The following IGSF10 variants were observed in gnomAD, a reference collection of about 807,000 sequenced individuals.
The protein encoded by IGSF10 is calvaria mechanical force protein 608.
Under a neutral mutation model 128.2 loss-of-function variants are expected in IGSF10, and 126 were observed. That is an observed-to-expected ratio of 0.98 (90% confidence interval 0.85 to 1.14). The LOEUF (loss-of-function observed/expected upper bound fraction) is 1.14. Among genes scored for constraint, IGSF10 ranks in the 50% most tolerant of loss-of-function variants. IGSF10 has a pLI of 0.00. For synonymous variants in IGSF10, 1,185 were observed against 1,146.2 expected, an observed-to-expected ratio of 1.03 and a Z score of -0.68; for missense variants, 3,295 against 3,149.8, an observed-to-expected ratio of 1.05 and a Z score of -1.10.
At chr3:151,554,723 T>C in the IGSF10 span, among the ~76,000 whole-genome samples, 2 of 152,194 alleles carry the variant, frequency 1.3e-5, no homozygotes, top group African/African-American at 2.4e-5. Context: ...ATTGACACGG[T>C]TGAGACCTTA....
rs548900742 is a variant in IGSF10, at chr3:151,448,950, G to A, written c.1031C>T (p.Ala344Val). 5.6e-5 allele frequency: 91 copies of A among 1,614,180 alleles called. No homozygotes were observed. The South Asian group carries it at 9.4e-4, about 17-fold the overall frequency. The change falls in exon 6 of 8, where the codon GCA (alanine) becomes GTA (valine). Residue 344 changes from alanine to valine, a missense_variant. By Grantham distance (64) the Ala-to-Val change is moderately conservative. Coordinates refer to ENST00000282466, the MANE Select transcript of IGSF10 (RefSeq NM_178822.5). ...IQKPSRTSPI[A>V]FTEENDYIVL... ...GATGTAGTCATTTTCTTCAGTGAAT[G>A]CAATGGGTGATGTCCTTGAGGGCTT...
At chr3:151,455,627 C>T (rs1721755803) in intron 4 of IGSF10, among the ~76,000 whole-genome samples, 1 of 152,108 alleles carries the variant, frequency 6.6e-6, no homozygotes, top group African/African-American at 2.4e-5. Flanking sequence ...AGACCTGTCC[C>T]TCTCATAGCA....
rs779779499 is a variant in IGSF10 at position 151,437,362 on chromosome 3, T to C, written c.7199A>G (p.Lys2400Arg). ...TTTTCCTGCATCCTCCCGAGTTGTT[T>C]TAGAAATGATAAAAGAACCATTGCT... The part of the protein sequence containing the change: ...IASNGSFIIS[K>R]TTREDAGKYR... The change falls in exon 8 of 8, where the codon AAA (lysine) becomes AGA (arginine). Residue 2400 changes from lysine to arginine, a missense_variant. Lys to Arg is a conservative substitution (Grantham distance 26, BLOSUM62 2). Transcript: ENST00000282466. 5.6e-6 allele frequency: 9 copies of C among 1,614,222 alleles called. No homozygotes were observed. Among genetic ancestry groups the C allele is most frequent in the Non-Finnish European group, 7.6e-6 (9 of 1,180,044 alleles).
At chr3:151,545,135 T>C in the IGSF10 span, among the ~76,000 whole-genome samples, 19 of 152,226 alleles carry the variant, frequency 1.2e-4, no homozygotes, top group Admixed American at 2.6e-4. Flanking sequence ...AGTTACATAA[T>C]TTTGAAAGTT....
At chr3:151,491,536 C>A in the IGSF10 span, among the ~76,000 whole-genome samples, 1 of 152,114 alleles carries the variant, frequency 6.6e-6, no homozygotes, top group South Asian at 2.1e-4. Flanking sequence ...CAAGATTGTG[C>A]CACTGCACTC....
At chr3:151,471,564 G>A in the IGSF10 span, among the ~76,000 whole-genome samples, 1 of 152,122 alleles carries the variant, frequency 6.6e-6, no homozygotes, top group African/African-American at 2.4e-5. Context: ...ATATAGCTAA[G>A]GACAAGTCAG....
chr3:151,505,424 G>A, the IGSF10 span, among the ~76,000 whole-genome samples: 24 of 152,206 alleles, frequency 1.6e-4, no homozygotes, highest in African/African-American at 5.3e-4. Flanking sequence ...CATCACAAGT[G>A]GGGATTATGG....
the IGSF10 span, among the ~76,000 whole-genome samples, chr3:151,614,214 C>G: frequency 6.6e-6 from 1 of 152,180 alleles, no homozygotes; most frequent in South Asian, 2.1e-4. Context: ...CACTTTTACA[C>G]TGTTGGTGGG....
At chr3:151,465,325 A>C (rs1003003405), upstream of IGSF10, among the ~76,000 whole-genome samples, 5 of 152,242 alleles carry the variant, frequency 3.3e-5, no homozygotes, top group Admixed American at 2.6e-4. Context: ...CAGAAGGAGC[A>C]CAAGAATGAC....
chr3:151,510,624 G>C, the IGSF10 span, among the ~76,000 whole-genome samples: 1 of 152,212 alleles, frequency 6.6e-6, no homozygotes, highest in Admixed American at 6.5e-5. Flanking sequence ...GAATGACTTT[G>C]ACGAGTTGAG....
chr3:151,580,064 C>G, the IGSF10 span, among the ~76,000 whole-genome samples: 1 of 152,188 alleles, frequency 6.6e-6, no homozygotes, highest in East Asian at 1.9e-4. Context: ...AAGCCACAAC[C>G]AAGCACCACG....
upstream of IGSF10, among the ~76,000 whole-genome samples, chr3:151,462,925 A>G (rs1441110679): frequency 6.6e-6 from 1 of 152,196 alleles, no homozygotes; most frequent in African/African-American, 2.4e-5. Context: ...TTTGGCAGCC[A>G]CAGTTTATCT....
chr3:151,438,022 T>G lies in IGSF10; in HGVS notation c.6539A>C (p.Asn2180Thr). Residue 2180 changes from asparagine to threonine, a missense_variant, in exon 8 of 8, where the codon AAT becomes ACT. Coordinates refer to ENST00000282466, the MANE Select transcript of IGSF10 (RefSeq NM_178822.5). ...KPKIFWLLPSNDMISFSIDRY... is the reference protein window; with the variant it reads ...KPKIFWLLPSTDMISFSIDRY... ...ATCAATGGAGAAGGAAATCATGTCATTGGAAGGCAGCAACCAAAATATTTT... is the reference window on the plus strand; with the variant it reads ...ATCAATGGAGAAGGAAATCATGTCAGTGGAAGGCAGCAACCAAAATATTTT... 6.2e-7 allele frequency: 1 copy of G among 1,614,180 alleles called. No homozygotes were observed. Among genetic ancestry groups the G allele is most frequent in the East Asian group, 2.2e-5 (1 of 44,882 alleles).
the IGSF10 span, among the ~76,000 whole-genome samples, chr3:151,490,984 A>G: frequency 6.6e-6 from 1 of 152,062 alleles, no homozygotes; most frequent in African/African-American, 2.4e-5. Flanking sequence ...ACAAACCCAA[A>G]ATTAGCGGAA....
rs1320773532 is a variant in IGSF10 at position 151,447,676 on chromosome 3, G to C, written c.2305C>G (p.Pro769Ala). ...LLEKAKKNAM[P>A]DKRENTTVSP... ...ACTGTGGTATTTTCTCGCTTGTCTG[G>C]CATAGCATTCTTTTTAGCTTTCTCC... The change falls in exon 6 of 8, where the codon CCA becomes GCA. Residue 769 changes from proline to alanine, a missense_variant. Pro to Ala is a conservative substitution (Grantham distance 27, BLOSUM62 -1). Transcript: ENST00000282466. 6.2e-7 allele frequency: 1 copy of C among 1,614,026 alleles called. No homozygotes were observed. Among genetic ancestry groups the C allele is most frequent in the African/African-American group, 1.3e-5 (1 of 74,886 alleles).
the IGSF10 span, among the ~76,000 whole-genome samples, chr3:151,532,937 C>T: frequency 6.6e-6 from 1 of 152,138 alleles, no homozygotes; most frequent in Non-Finnish European, 1.5e-5. Context: ...TCATCTCAGT[C>T]CAAAATCTCC....
intron 7 of IGSF10, chr3:151,440,640 A>G (rs542958832): frequency 2.2e-6 from 1 of 456,728 alleles, no homozygotes; most frequent in Non-Finnish European, 4.4e-6. Context: ...ATTCTTTCCT[A>G]ATGCTTTCTA....
the IGSF10 span, among the ~76,000 whole-genome samples, chr3:151,542,643 TTAGTAAGAAATGTTTA>T: frequency 0.016 from 2,510 of 152,292 alleles, 23 homozygotes; most frequent in South Asian, 0.027. Flanking sequence ...ATAAATGTTT[TTAGTAAGAAATGTTTA>T]TAGTAAGAAA....
the IGSF10 span, among the ~76,000 whole-genome samples, chr3:151,474,982 T>G: frequency 6.6e-6 from 1 of 152,156 alleles, no homozygotes; most frequent in South Asian, 2.1e-4. Flanking sequence ...AGATGAGATT[T>G]AGGTGGGGAC....
Sources: gnomAD v4.1 joint callset for allele counts (sites outside exome capture counted in the v4.1 genomes callset) on GRCh38, gnomAD v4.1.1 for gene constraint, MANE v1.5 for transcripts, NCBI Gene and HGNC (gene_info 2026-07-23, HGNC 2026-07-21) for gene names.